The following FBLN1 variants were observed in gnomAD, a reference collection of about 807,000 sequenced individuals.
FBLN1 encodes fibulin-1.
FBLN1 carries 34 observed loss-of-function variants against 89.7 expected under a neutral mutation model. The observed-to-expected ratio is 0.38, with a 90% CI of 0.29 to 0.50. The LOEUF (loss-of-function observed/expected upper bound fraction) is 0.50, where lower values mean the gene tolerates loss of function less well. Ranked by LOEUF, FBLN1 falls within the 20% of genes least tolerant of loss-of-function variation. The pLI is 0.92. For synonymous variants in FBLN1, 393 were observed against 391.3 expected (o/e 1.00, Z -0.05); for missense variants, 777 against 988.1 (o/e 0.79, Z 2.86).
chr22:45,515,769 A>G (rs1345711286), intron 1 of FBLN1, among the ~76,000 whole-genome samples: 2 of 152,210 alleles, frequency 1.3e-5, no homozygotes, highest in Non-Finnish European at 2.9e-5. Flanking sequence ...CCCTCTTCTC[A>G]GCAACCCTGG....
chr22:45,544,091 CTT>C (rs150488621), intron 11 of FBLN1, among the ~76,000 whole-genome samples: 16 of 145,990 alleles, frequency 1.1e-4, no homozygotes, highest in South Asian at 6.5e-4. Flanking sequence ...CCTCTAACTT[CTT>C]TTTTTTTTTT....
At chr22:45,552,089 A>G (rs1340870287) in intron 14 of FBLN1, among the ~76,000 whole-genome samples, 1 of 152,176 alleles carries the variant, frequency 6.6e-6, no homozygotes, top group Non-Finnish European at 1.5e-5. Context: ...GTGCTGGAGA[A>G]AGTCGTTTCT....
At chr22:45,541,199 C>G (rs900727606) in intron 8 of FBLN1, 30 bp from the exon 9 acceptor site, 3 of 1,613,972 alleles carry the variant, frequency 1.9e-6, no homozygotes, top group African/African-American at 2.7e-5. Context: ...CCAGGTTTAA[C>G]CACATGGTCT....
At chr22:45,523,333 G>C (rs2088276514) in intron 2 of FBLN1, 1 of 536,302 alleles carries the variant, frequency 1.9e-6, no homozygotes, top group Non-Finnish European at 3.4e-6. Flanking sequence ...GGGTGTTGGG[G>C]GTGAGCCTGA....
At chr22:45,552,567 A>T (rs2088718204) in intron 14 of FBLN1, among the ~76,000 whole-genome samples, 1 of 152,220 alleles carries the variant, frequency 6.6e-6, no homozygotes, top group Non-Finnish European at 1.5e-5. Flanking sequence ...CAATTTTTAA[A>T]ATCTAAAAGA....
At position 45,563,414 on chromosome 22, in the gene FBLN1, T is replaced by C. The variant is rs953683751; in HGVS notation, c.1698-11097T>C. ...CATGGTTGGGAGTCTGTGCCGCTTGTTACCCGGGGGTGAGCTGGGCACTGG... is the reference window on the plus strand; with the variant it reads ...CATGGTTGGGAGTCTGTGCCGCTTGCTACCCGGGGGTGAGCTGGGCACTGG... On this transcript the variant is annotated intron_variant, in intron 14 of 16. Transcript: ENST00000327858. The surrounding 1 kb of genome is among the most constrained non-coding windows in gnomAD (Gnocchi z 5.7). 1 of 1,504,580 alleles carries C rather than the reference T, an allele frequency of 6.6e-7. No individual in the cohort carries two copies. Among genetic ancestry groups the C allele is most frequent in the African/African-American group, 1.4e-5 (1 of 72,300 alleles). The allele number at this position is 1,504,580 out of a possible 1,614,324, so 93.2% of individuals were successfully genotyped here.
At chr22:45,544,040 G>A (rs2088593557) in intron 11 of FBLN1, among the ~76,000 whole-genome samples, 1 of 151,988 alleles carries the variant, frequency 6.6e-6, no homozygotes, top group Non-Finnish European at 1.5e-5. Flanking sequence ...GCTGTGAGAG[G>A]AAGTACTGAG....
At position 45,545,337 on chromosome 22, in the gene FBLN1, G is replaced by C. The variant is rs775703400; in HGVS notation, c.1322-1748G>C. 6.6e-6 allele frequency among the ~76,000 whole-genome samples: 1 copy of C among 152,186 alleles called. No individual in the cohort carries two copies. The highest frequency in any genetic ancestry group is 1.5e-5 in the Non-Finnish European group (1 of 68,038). On this transcript the variant is annotated intron_variant, in intron 11 of 16. Coordinates refer to ENST00000327858, the MANE Select transcript of FBLN1 (RefSeq NM_006486.3). This position sits in a 1 kb window ranked among gnomAD's most constrained non-coding sequence, Gnocchi z 5.9. ...GGGCATAGTAGGACCAACCCCATAGGGGGTTGTGAGGATGAAACGAGATTA... is the reference window on the plus strand; with the variant it reads ...GGGCATAGTAGGACCAACCCCATAGCGGGTTGTGAGGATGAAACGAGATTA...
In FBLN1 at chr22:45,502,980, C is replaced by T; in HGVS notation, c.-6C>T. On this transcript the variant is annotated 5_prime_UTR_variant, in exon 1 of 17. Transcript: ENST00000327858. ...GCCGCCGCCCACCGCCCGTCGCCCGCCGCCCATGGAGCGCGCCGCGCCGTC... is the reference window on the plus strand; with the variant it reads ...GCCGCCGCCCACCGCCCGTCGCCCGTCGCCCATGGAGCGCGCCGCGCCGTC... 4 of 1,191,204 alleles carry T rather than the reference C, an allele frequency of 3.4e-6. No individual in the cohort carries two copies. Among genetic ancestry groups the T allele is most frequent in the Non-Finnish European group, 4.2e-6 (4 of 961,252 alleles). The allele number at this position is 1,191,204 out of a possible 1,614,324, so 73.8% of individuals were successfully genotyped here. A position where few individuals can be genotyped will look rare whatever the true frequency, so the allele number is the denominator to read the frequency against.
intron 16 of FBLN1, among the ~76,000 whole-genome samples, chr22:45,592,013 C>T (rs543896185): frequency 6.6e-6 from 1 of 151,350 alleles, no homozygotes; most frequent in Non-Finnish European, 1.5e-5. Flanking sequence ...TCCTGCGCGC[C>T]ATTTTGCAGA....
At chr22:45,519,595 G>A (rs537519316) in intron 2 of FBLN1, among the ~76,000 whole-genome samples, 15 of 142,978 alleles carry the variant, frequency 1.0e-4, no homozygotes, top group Non-Finnish European at 2.0e-4. Flanking sequence ...CTGCATTTCA[G>A]TCTGGGCAAC....
In FBLN1 at chr22:45,557,951, G is replaced by C; in HGVS notation, c.1697+7336G>C. The stretch of plus-strand genomic sequence containing the variant: ...ACTGGGAAGATTTCCCTTTGCCACT[G>C]TCCTTCAGGGATGTCCTAGAAAGGG... On this transcript the variant is annotated intron_variant, in intron 14 of 16. Transcript: ENST00000327858. The surrounding 1 kb of genome is among the most constrained non-coding windows in gnomAD (Gnocchi z 4.9). 1.5e-6 allele frequency: 1 copy of C among 670,686 alleles called. No homozygotes were observed. Among genetic ancestry groups the C allele is most frequent in the Non-Finnish European group, 2.8e-6 (1 of 356,978 alleles). 41.5% of individuals were successfully genotyped at this position (670,686 alleles called of 1,614,324 possible).
chr22:45,512,174 T>A (rs2088110629), intron 1 of FBLN1, among the ~76,000 whole-genome samples: 1 of 151,738 alleles, frequency 6.6e-6, no homozygotes, highest in Admixed American at 6.6e-5. Context: ...CTGTTGGCGG[T>A]CTGGGATGGA....
rs1363883800 is a variant in FBLN1, at chr22:45,568,755, G to C, written c.1698-5756G>C. Among the ~76,000 whole-genome samples the C allele has an allele frequency of 6.1e-4, 42 of 69,072 alleles. 10 individuals are homozygous for C. Among genetic ancestry groups the C allele is most frequent in the African/African-American group, 2.2e-3 (31 of 13,960 alleles). 45.3% of individuals were successfully genotyped at this position (69,072 alleles called of 152,430 possible). On this transcript the variant is annotated intron_variant, in intron 14 of 16. Transcript: ENST00000327858. Reference sequence around the variant, plus strand: ...GCTCCTGTAGGGGACTTCTGTAGGGGAGTGCTCCTTCTGTAAGGGAATGCT... The same window carrying C: ...GCTCCTGTAGGGGACTTCTGTAGGGCAGTGCTCCTTCTGTAAGGGAATGCT...
At chr22:45,503,549 A>G (rs1237114174) in intron 1 of FBLN1, 1 of 152,408 alleles carries the variant, frequency 6.6e-6, no homozygotes, top group Non-Finnish European at 1.5e-5. Flanking sequence ...GGTGGGAAGC[A>G]GTCTTTTCCC....
chr22:45,541,139 G>A (rs767399864), intron 8 of FBLN1, 90 bp from the exon 9 acceptor site: 149 of 1,541,972 alleles, frequency 9.7e-5, no homozygotes, highest in Non-Finnish European at 1.1e-4. Context: ...GCAAAGAGGT[G>A]GGAAGGGGAG....
chr22:45,551,903 T>TG (rs1349395351), intron 14 of FBLN1, among the ~76,000 whole-genome samples: 2 of 152,184 alleles, frequency 1.3e-5, no homozygotes, highest in African/African-American at 2.4e-5. Flanking sequence ...ATTTCTAACT[T>TG]GCGCACAGTC....
intron 1 of FBLN1, among the ~76,000 whole-genome samples, chr22:45,513,429 CCTGAG>C (rs745359056): frequency 7.6e-4 from 115 of 151,960 alleles, no homozygotes; most frequent in Middle Eastern, 6.8e-3. Context: ...CTCTCAGCCT[CCTGAG>C]TAGCTGGGAT....
chr22:45,525,400 TG>T, intron 2 of FBLN1, 142 bp from the exon 3 acceptor site: 1 of 758,692 alleles, frequency 1.3e-6, no homozygotes, highest in South Asian at 1.7e-5. Flanking sequence ...TGTATGCCAC[TG>T]GGGCACTGTG....
Sources: allele counts gnomAD v4.1 joint callset (sites outside exome capture counted in the v4.1 genomes callset), GRCh38; gene constraint gnomAD v4.1.1; non-coding constraint Gnocchi (gnomAD v3.1); transcripts MANE v1.5; gene names NCBI Gene and HGNC (gene_info 2026-07-23, HGNC 2026-07-21).